The following CDH18 variants were observed in gnomAD, a reference collection of about 807,000 sequenced individuals.
The protein encoded by CDH18 is cadherin-18.
CDH18 carries 31 observed loss-of-function variants against 67.9 expected under a neutral mutation model. The observed-to-expected ratio is 0.46, with a 90% CI of 0.34 to 0.62. CDH18 has a LOEUF of 0.62. Among genes scored for constraint, CDH18 ranks in the 20% least tolerant of loss-of-function variants. The probability of loss-of-function intolerance (pLI) is 0.01; values close to 1 mark genes in which losing one functional copy is unlikely to be tolerated. For synonymous variants in CDH18, 362 were observed against 347.2 expected (o/e 1.04, Z -0.48); for missense variants, 890 against 975.5 (o/e 0.91, Z 1.17).
At chr5:19,807,981 T>C (rs1039911658) in intron 3 of CDH18, among the ~76,000 whole-genome samples, 1 of 152,180 alleles carries the variant, frequency 6.6e-6, no homozygotes, top group Non-Finnish European at 1.5e-5. Flanking sequence ...TTTAAATAAA[T>C]GCATTTTGAG....
At chr5:20,449,099 C>A (rs1033433705) in intron 1 of CDH18, among the ~76,000 whole-genome samples, 7 of 152,014 alleles carry the variant, frequency 4.6e-5, no homozygotes, top group African/African-American at 1.7e-4. Context: ...ATATTAAAAT[C>A]TTGATACAAC....
At chr5:19,876,272 C>T (rs1247661170) in intron 2 of CDH18, among the ~76,000 whole-genome samples, 1 of 151,990 alleles carries the variant, frequency 6.6e-6, no homozygotes, top group East Asian at 1.9e-4. Flanking sequence ...CTCAGATAAA[C>T]CTTTGCATCC....
At chr5:20,254,546 C>T (rs918047523) in intron 2 of CDH18, among the ~76,000 whole-genome samples, 2 of 152,132 alleles carry the variant, frequency 1.3e-5, no homozygotes, top group Non-Finnish European at 2.9e-5. Context: ...ACTAGAACAG[C>T]CTTACAAGAG....
intron 1 of CDH18, among the ~76,000 whole-genome samples, chr5:20,369,915 T>C (rs776104040): frequency 4.3e-4 from 66 of 152,250 alleles, no homozygotes; most frequent in Non-Finnish European, 7.8e-4. Context: ...GTGTGCAGGT[T>C]TGTTACACAG....
At chr5:20,551,560 GCTGATCTCT>G (rs1486997035) in intron 1 of CDH18, among the ~76,000 whole-genome samples, 2 of 124,330 alleles carry the variant, frequency 1.6e-5, no homozygotes, top group African/African-American at 5.0e-5. Context: ...GATCTCTACA[GCTGATCTCT>G]GTTAATCAAT....
intron 5 of CDH18, among the ~76,000 whole-genome samples, chr5:19,665,174 T>C (rs1201972389): frequency 6.6e-6 from 1 of 152,014 alleles, no homozygotes; most frequent in African/African-American, 2.4e-5. Context: ...CATTATGAAG[T>C]GTGAAATACT....
At chr5:20,254,080 G>T (rs1744055308) in intron 2 of CDH18, among the ~76,000 whole-genome samples, 1 of 152,146 alleles carries the variant, frequency 6.6e-6, no homozygotes, top group African/African-American at 2.4e-5. Flanking sequence ...TTACAAGCCA[G>T]AAGAGACTGA....
rs201862201 is a variant in CDH18, at chr5:19,964,101, C to A, written c.-257+16959G>T. ...GCCAAACCATATCAAAAGACAAAGG[C>A]AAAAGCTAAAACACAGATTTTTAAA... On this transcript the variant is annotated intron_variant, in intron 2 of 12. Transcript: ENST00000382275. 1.3e-4 allele frequency among the ~76,000 whole-genome samples: 20 copies of A among 152,056 alleles called. No individual in the cohort carries two copies. The East Asian group carries it at 1.9e-3, about 15-fold the overall frequency.
intron 2 of CDH18, among the ~76,000 whole-genome samples, chr5:19,955,465 T>C (rs1027531223): frequency 1.1e-4 from 16 of 152,074 alleles, no homozygotes; most frequent in African/African-American, 3.9e-4. Flanking sequence ...GAATTTAAAT[T>C]TTATTCCCTT....
chr5:20,305,049 A>C, intron 1 of CDH18: 2 of 1,606,276 alleles, frequency 1.2e-6, no homozygotes, highest in Non-Finnish European at 1.7e-6. Context: ...GACTGTCCCC[A>C]TTAGTTTTGG....
chr5:19,804,629 G>A (rs1021649508), intron 3 of CDH18, among the ~76,000 whole-genome samples: 2 of 152,044 alleles, frequency 1.3e-5, no homozygotes, highest in Admixed American at 6.6e-5. Flanking sequence ...TTATTCCAGG[G>A]CCAGCAGGAA....
intron 1 of CDH18, among the ~76,000 whole-genome samples, chr5:20,319,724 G>T (rs1737817541): frequency 6.6e-6 from 1 of 152,016 alleles, no homozygotes; most frequent in African/African-American, 2.4e-5. Flanking sequence ...TAATCCATAT[G>T]ACTTTCTCAA....
At chr5:20,410,583 C>CATGA (rs1746682063) in intron 1 of CDH18, among the ~76,000 whole-genome samples, 1 of 151,504 alleles carries the variant, frequency 6.6e-6, no homozygotes, top group South Asian at 2.1e-4. Context: ...ATTCTTCCAA[C>CATGA]ATCAGAAACA....
chr5:19,639,738 G>A (rs368700353), intron 5 of CDH18, among the ~76,000 whole-genome samples: 8 of 152,188 alleles, frequency 5.3e-5, no homozygotes, highest in African/African-American at 7.2e-5. Context: ...TGCCCCTTGC[G>A]TGCTACAGCC....
At chr5:20,266,956 G>C (rs1397247857) in intron 1 of CDH18, among the ~76,000 whole-genome samples, 1 of 152,116 alleles carries the variant, frequency 6.6e-6, no homozygotes, top group Non-Finnish European at 1.5e-5. Context: ...GGGGCAATCT[G>C]AATTTCAGGT....
intron 2 of CDH18, among the ~76,000 whole-genome samples, chr5:20,179,240 A>G (rs996120542): frequency 1.3e-5 from 2 of 152,186 alleles, no homozygotes; most frequent in African/African-American, 4.8e-5. Flanking sequence ...TGCTGGTTCT[A>G]ACAATAATTT....
Position 20,359,350 on chromosome 5 carries a change from A to G in CDH18, c.-579-103845T>C, listed in dbSNP as rs573476935. On this transcript the variant is annotated intron_variant, in intron 1 of 14. Coordinates refer to the CDH18 transcript ENST00000507958. ...AAGAGTTGTTGCTAATAATGAAGCA[A>G]TCCTCGTAAAACAATCTAAAGATTA... Among the ~76,000 whole-genome samples, 7 of 152,344 alleles carry G rather than the reference A, an allele frequency of 4.6e-5. No individual in the cohort carries two copies. The South Asian group carries it at 1.4e-3, about 32-fold the overall frequency.
chr5:20,148,045 A>G (rs2126553763), intron 2 of CDH18, among the ~76,000 whole-genome samples: 1 of 150,636 alleles, frequency 6.6e-6, no homozygotes, highest in Non-Finnish European at 1.5e-5. Flanking sequence ...GCTTTTGCCT[A>G]TCTACTTTAC....
At chr5:20,090,733 A>G (rs1745343158) in intron 2 of CDH18, among the ~76,000 whole-genome samples, 1 of 152,056 alleles carries the variant, frequency 6.6e-6, no homozygotes, top group African/African-American at 2.4e-5. Flanking sequence ...AAGAAAAGAA[A>G]AAAAAAGAAA....
Sources: allele counts gnomAD v4.1 joint callset (sites outside exome capture counted in the v4.1 genomes callset), GRCh38; gene constraint gnomAD v4.1.1; transcripts MANE v1.5; gene names NCBI Gene and HGNC (gene_info 2026-07-23, HGNC 2026-07-21).